Variants in FUCA2 observed in about 807,000 individuals in gnomAD.
FUCA2 encodes the protein plasma alpha-L-fucosidase.
Under a neutral mutation model 52.6 loss-of-function variants are expected in FUCA2, and 41 were observed. That is an observed-to-expected ratio of 0.78 (90% CI 0.61 to 1.01). The LOEUF is 1.01. Among genes scored for constraint, FUCA2 ranks in the 50% least tolerant of loss-of-function variants. The pLI is 0.00. For synonymous variants in FUCA2, 211 were observed against 217.3 expected (o/e 0.97, Z 0.26); for missense variants, 507 against 569.5 (o/e 0.89, Z 1.12).
chr6:143,508,996 C>T (rs1331263200), intron 1 of FUCA2, among the ~76,000 whole-genome samples: 1 of 152,114 alleles, frequency 6.6e-6, no homozygotes, highest in Non-Finnish European at 1.5e-5. Flanking sequence ...CTCAAGCGAT[C>T]GTCCCACCTC....
At chr6:143,506,161 C>A (rs1421296675) in intron 2 of FUCA2, 1 of 150,696 alleles carries the variant, frequency 6.6e-6, no homozygotes, top group Non-Finnish European at 1.5e-5. Flanking sequence ...CCCATCCCAT[C>A]CCTGGAGAAA....
At position 143,509,920 on chromosome 6, in the gene FUCA2, G is replaced by A. The variant is rs1780660201; in HGVS notation, c.224+1491C>T. Among the ~76,000 whole-genome samples the A allele has an allele frequency of 6.6e-6, 1 of 152,084 alleles. No homozygotes were observed. The highest frequency in any genetic ancestry group is 2.4e-5 in the African/African-American group (1 of 41,406). ...TATGCTATTTTGGCACATTTTTAAA[G>A]GTAAAGAAACTCGAAAAATAGCAGG... is the stretch of plus-strand genomic sequence containing the variant. On this transcript the variant is annotated intron_variant, in intron 1 of 6. Coordinates refer to ENST00000002165, the MANE Select transcript of FUCA2 (RefSeq NM_032020.5). The surrounding 1 kb of genome is among the most constrained non-coding windows in gnomAD (Gnocchi z 5.4).
chr6:143,500,644 A>T lies in FUCA2; in HGVS notation c.1154+1288T>A, dbSNP rs950750845. Among the ~76,000 whole-genome samples the T allele has an allele frequency of 3.3e-5, 5 of 152,180 alleles. No individual in the cohort carries two copies. The highest frequency in any genetic ancestry group is 1.5e-5 in the Non-Finnish European group (1 of 68,034). ...AGTTCGACTTTGCATTACCAATATGACCTTGTATATTGATAATGCAAAGGA... is the reference window on the plus strand; with the variant it reads ...AGTTCGACTTTGCATTACCAATATGTCCTTGTATATTGATAATGCAAAGGA... On this transcript the variant is annotated intron_variant, in intron 5 of 6. Coordinates refer to ENST00000002165, the MANE Select transcript of FUCA2 (RefSeq NM_032020.5). This position sits in a 1 kb window ranked among gnomAD's most constrained non-coding sequence, Gnocchi z 6.9.
rs1780686951 is a variant in FUCA2 at position 143,511,651 on chromosome 6, G to T, written c.-17C>A. The stretch of plus-strand genomic sequence containing the variant: ...GGGCCGCATGTCCCGGCGCAGGCCG[G>T]CTGTCCTCTCTGCAGGCTCCCGCGG... On this transcript the variant is annotated 5_prime_UTR_variant, in exon 1 of 7. Coordinates refer to ENST00000002165, the MANE Select transcript of FUCA2 (RefSeq NM_032020.5). This position sits in a 1 kb window ranked among gnomAD's most constrained non-coding sequence, Gnocchi z 6.3. 2 of 1,491,052 alleles carry T rather than the reference G, an allele frequency of 1.3e-6. No individual in the cohort carries two copies. Among genetic ancestry groups the T allele is most frequent in the Non-Finnish European group, 1.8e-6 (2 of 1,120,970 alleles). The allele number at this position is 1,491,052 out of a possible 1,614,324, so 92.4% of individuals were successfully genotyped here.
Position 143,497,162 on chromosome 6 carries a change from A to G in FUCA2, c.1263+227T>C. ...AATTTTTGTAGACAGGGGTCTTGCT[A>G]TGTTGCCCAGGCTAGTCTCAAACTT... On this transcript the variant is annotated intron_variant, in intron 6 of 6. Coordinates refer to ENST00000002165, the MANE Select transcript of FUCA2 (RefSeq NM_032020.5). The surrounding 1 kb of genome is among the most constrained non-coding windows in gnomAD (Gnocchi z 5.3). The G allele has an allele frequency of 2.2e-6, 1 of 460,006 alleles. No homozygotes were observed. The highest frequency in any genetic ancestry group is 3.5e-5 in the Admixed American group (1 of 28,280). 28.5% of individuals were successfully genotyped at this position (460,006 alleles called of 1,614,324 possible).
rs757100588 is a variant in FUCA2 at position 143,503,908 on chromosome 6, C to A, written c.752+5G>T. ...GTAACTGCAGCAATCTCATAGCATA[C>A]ACACCTTTCATTATATAACCAGGCC... On this transcript the variant is annotated splice_donor_5th_base_variant and intron_variant, in intron 3 of 6. Transcript: ENST00000002165. The surrounding 1 kb of genome is among the most constrained non-coding windows in gnomAD (Gnocchi z 4.8). 1 of 1,604,366 alleles carries A rather than the reference C, an allele frequency of 6.2e-7. No homozygotes were observed. The highest frequency in any genetic ancestry group is 8.5e-7 in the Non-Finnish European group (1 of 1,173,228).
rs1780676536 is a variant in FUCA2 at position 143,511,135 on chromosome 6, A to C, written c.224+276T>G. On this transcript the variant is annotated intron_variant, in intron 1 of 6. Transcript: ENST00000002165. This position sits in a 1 kb window ranked among gnomAD's most constrained non-coding sequence, Gnocchi z 6.3. ...TGTTGTAGTGTCATAACTACAGCTTAATATGCGCAACTATGAAGAAGCTGA... is the reference window on the plus strand; with the variant it reads ...TGTTGTAGTGTCATAACTACAGCTTCATATGCGCAACTATGAAGAAGCTGA... 6.6e-6 allele frequency among the ~76,000 whole-genome samples: 1 copy of C among 152,188 alleles called. No homozygotes were observed. Among genetic ancestry groups the C allele is most frequent in the African/African-American group, 2.4e-5 (1 of 41,440 alleles).
intron 5 of FUCA2, among the ~76,000 whole-genome samples, chr6:143,498,879 G>T (rs764293205): frequency 6.6e-6 from 1 of 152,138 alleles, no homozygotes; most frequent in Non-Finnish European, 1.5e-5. Context: ...AAAGGATGAG[G>T]GTTGCCACAG....
At position 143,511,315 on chromosome 6, in the gene FUCA2, C is replaced by CAGCA; in HGVS notation, c.224+92_224+95dup. The CAGCA allele has an allele frequency of 8.7e-6, 10 of 1,152,338 alleles. No homozygotes were observed. The highest frequency in any genetic ancestry group is 1.6e-5 in the African/African-American group (1 of 63,598). 71.4% of individuals were successfully genotyped at this position (1,152,338 alleles called of 1,614,324 possible). On this transcript the variant is annotated intron_variant, in intron 1 of 6. Coordinates refer to ENST00000002165, the MANE Select transcript of FUCA2 (RefSeq NM_032020.5). The surrounding 1 kb of genome is among the most constrained non-coding windows in gnomAD (Gnocchi z 6.3). ...GAGGTGAAACCGACGAGGGTGCAGG[C>CAGCA]AGCACCAGGCGGCGAACCAGGCCCG...
chr6:143,499,065 G>A lies in FUCA2; in HGVS notation c.1155-1568C>T, dbSNP rs547053873. Reference sequence around the variant, plus strand: ...AACTGAGATGGGAAAGACCATGGGTGGAGCTAGTTGATAGCAAAATTTTAA... The same window carrying A: ...AACTGAGATGGGAAAGACCATGGGTAGAGCTAGTTGATAGCAAAATTTTAA... On this transcript the variant is annotated intron_variant, in intron 5 of 6. Coordinates refer to ENST00000002165, the MANE Select transcript of FUCA2 (RefSeq NM_032020.5). The surrounding 1 kb of genome is among the most constrained non-coding windows in gnomAD (Gnocchi z 6.0). Among the ~76,000 whole-genome samples, 1 of 152,298 alleles carries A rather than the reference G, an allele frequency of 6.6e-6. No individual in the cohort carries two copies. Among genetic ancestry groups the A allele is most frequent in the African/African-American group, 2.4e-5 (1 of 41,564 alleles).
Position 143,495,435 on chromosome 6 carries a change from T to G in FUCA2, c.*272A>C, listed in dbSNP as rs1383150426. 5 of 329,066 alleles carry G rather than the reference T, an allele frequency of 1.5e-5. No homozygotes were observed. The highest frequency in any genetic ancestry group is 2.8e-5 in the Non-Finnish European group (5 of 181,004). The allele number at this position is 329,066 out of a possible 1,614,324, so 20.4% of individuals were successfully genotyped here. On this transcript the variant is annotated 3_prime_UTR_variant, in exon 7 of 7. Transcript: ENST00000002165. The surrounding 1 kb of genome is among the most constrained non-coding windows in gnomAD (Gnocchi z 5.2). ...TCGGTCCATAATACCACCAATTCCTTGCTACTATAATGTGAAAAAATTCTC... is the reference window on the plus strand; with the variant it reads ...TCGGTCCATAATACCACCAATTCCTGGCTACTATAATGTGAAAAAATTCTC...
In FUCA2 at chr6:143,507,653, C is replaced by T. The variant is rs1332615786; in HGVS notation, c.225-229G>A. Reference sequence around the variant, plus strand: ...CACTCAGCTCATAAACTAGAGCATTCTAGGCAACTCAGCTACCCATTCTCT... The same window carrying T: ...CACTCAGCTCATAAACTAGAGCATTTTAGGCAACTCAGCTACCCATTCTCT... On this transcript the variant is annotated intron_variant, in intron 1 of 6. Transcript: ENST00000002165. The surrounding 1 kb of genome is among the most constrained non-coding windows in gnomAD (Gnocchi z 4.5). 3.9e-5 allele frequency among the ~76,000 whole-genome samples: 6 copies of T among 152,056 alleles called. No individual in the cohort carries two copies. Among genetic ancestry groups the T allele is most frequent in the African/African-American group, 1.4e-4 (6 of 41,396 alleles).
intron 2 of FUCA2, chr6:143,505,841 G>A (rs1780598571): frequency 6.6e-6 from 1 of 152,090 alleles, no homozygotes; most frequent in Admixed American, 6.5e-5. Context: ...CATTTTCCAT[G>A]AGCAATGAAA....
Position 143,509,062 on chromosome 6 carries a change from A to G in FUCA2, c.225-1638T>C, listed in dbSNP as rs1231879132. Among the ~76,000 whole-genome samples, 2 of 152,156 alleles carry G rather than the reference A, an allele frequency of 1.3e-5. No individual in the cohort carries two copies. Among genetic ancestry groups the G allele is most frequent in the East Asian group, 3.9e-4 (2 of 5,190 alleles). Reference sequence around the variant, plus strand: ...TACATTTTAAATTGAACTGCAAAAGAGAAACTGGGACATTCAGAAAGTTGA... The same window carrying G: ...TACATTTTAAATTGAACTGCAAAAGGGAAACTGGGACATTCAGAAAGTTGA... On this transcript the variant is annotated intron_variant, in intron 1 of 6. Transcript: ENST00000002165. This position sits in a 1 kb window ranked among gnomAD's most constrained non-coding sequence, Gnocchi z 5.4.
Position 143,510,123 on chromosome 6 carries a change from A to G in FUCA2, c.224+1288T>C, listed in dbSNP as rs1319767055. ...TTAAGTCTCCCCACATAATTTAGTCACACAATGTCAATTTAATTCTTGGAC... is the reference window on the plus strand; with the variant it reads ...TTAAGTCTCCCCACATAATTTAGTCGCACAATGTCAATTTAATTCTTGGAC... On this transcript the variant is annotated intron_variant, in intron 1 of 6. Transcript: ENST00000002165. The surrounding 1 kb of genome is among the most constrained non-coding windows in gnomAD (Gnocchi z 4.4). 6.6e-6 allele frequency among the ~76,000 whole-genome samples: 1 copy of G among 151,728 alleles called. No individual in the cohort carries two copies. The highest frequency in any genetic ancestry group is 2.4e-5 in the African/African-American group (1 of 40,980).
In FUCA2 at chr6:143,495,888, CTCTT is replaced by C. The variant is rs778412591; in HGVS notation, c.1264-45_1264-42del. ...TACATGCAAATGTCTCCAAATTTAT[CTCTT>C]TATCTCACCCACTTTCTATTGGGAA... is the stretch of plus-strand genomic sequence containing the variant. On this transcript the variant is annotated intron_variant, in intron 6 of 6. Transcript: ENST00000002165. This position sits in a 1 kb window ranked among gnomAD's most constrained non-coding sequence, Gnocchi z 5.2. 52 of 1,599,332 alleles carry C rather than the reference CTCTT, an allele frequency of 3.3e-5. No individual in the cohort carries two copies. The highest frequency in any genetic ancestry group is 3.6e-4 in the Middle Eastern group (2 of 5,538).
In FUCA2 at chr6:143,511,316, A is replaced by T. The variant is rs1021346163; in HGVS notation, c.224+95T>A. 4 of 1,150,994 alleles carry T rather than the reference A, an allele frequency of 3.5e-6. No individual in the cohort carries two copies. The African/African-American group carries it at 6.3e-5, about 18-fold the overall frequency. The allele number at this position is 1,150,994 out of a possible 1,614,324, so 71.3% of individuals were successfully genotyped here. ...AGGTGAAACCGACGAGGGTGCAGGCAGCACCAGGCGGCGAACCAGGCCCGC... is the reference window on the plus strand; with the variant it reads ...AGGTGAAACCGACGAGGGTGCAGGCTGCACCAGGCGGCGAACCAGGCCCGC... On this transcript the variant is annotated intron_variant, in intron 1 of 6. Transcript: ENST00000002165. The surrounding 1 kb of genome is among the most constrained non-coding windows in gnomAD (Gnocchi z 6.3).
Position 143,495,901 on chromosome 6 carries a change from C to T in FUCA2, c.1264-54G>A. On this transcript the variant is annotated intron_variant, in intron 6 of 6. Transcript: ENST00000002165. This position sits in a 1 kb window ranked among gnomAD's most constrained non-coding sequence, Gnocchi z 5.2. The stretch of plus-strand genomic sequence containing the variant: ...CTCCAAATTTATCTCTTTATCTCAC[C>T]CACTTTCTATTGGGAAGGAGTGATT... The T allele has an allele frequency of 5.1e-6, 8 of 1,582,834 alleles. No homozygotes were observed. The highest frequency in any genetic ancestry group is 6.9e-6 in the Non-Finnish European group (8 of 1,158,150).
chr6:143,511,142 G>GC lies in FUCA2; in HGVS notation c.224+268dup, dbSNP rs1780676668. ...GTGTCATAACTACAGCTTAATATGC[G>GC]CAACTATGAAGAAGCTGAGGAGTCA... On this transcript the variant is annotated intron_variant, in intron 1 of 6. Coordinates refer to ENST00000002165, the MANE Select transcript of FUCA2 (RefSeq NM_032020.5). This position sits in a 1 kb window ranked among gnomAD's most constrained non-coding sequence, Gnocchi z 6.3. 6.6e-6 allele frequency among the ~76,000 whole-genome samples: 1 copy of GC among 152,184 alleles called. No individual in the cohort carries two copies. Among genetic ancestry groups the GC allele is most frequent in the Non-Finnish European group, 1.5e-5 (1 of 68,042 alleles).
Sources: gnomAD v4.1 joint callset for allele counts (sites outside exome capture counted in the v4.1 genomes callset) on GRCh38, gnomAD v4.1.1 for gene constraint, Gnocchi (gnomAD v3.1) non-coding constraint, MANE v1.5 for transcripts, NCBI Gene and HGNC (gene_info 2026-07-23, HGNC 2026-07-21) for gene names.